Variants in RPTOR observed in about 807,000 individuals in gnomAD.
The protein encoded by RPTOR is regulatory associated protein of MTOR complex 1.
Under a neutral mutation model 169.9 loss-of-function variants are expected in RPTOR, and 21 were observed. That is an observed-to-expected ratio of 0.12 (90% CI 0.09 to 0.18). The LOEUF is 0.18. RPTOR is among the 10% of genes least tolerant of loss of function. RPTOR has a pLI of 1.00. For synonymous variants in RPTOR, 732 were observed against 753.2 expected, an observed-to-expected ratio of 0.97 and a Z score of 0.46; for missense variants, 1,133 against 1,855.9, an observed-to-expected ratio of 0.61 and a Z score of 7.16.
chr17:80,958,956 GCA>G (rs1197559245), intron 29 of RPTOR, among the ~76,000 whole-genome samples: 1 of 152,224 alleles, frequency 6.6e-6, no homozygotes, highest in African/African-American at 2.4e-5. Flanking sequence ...GAGAGGTGTG[GCA>G]CAGAGGCCAT....
chr17:80,811,254 T>C (rs2067269298), intron 7 of RPTOR, among the ~76,000 whole-genome samples: 1 of 152,208 alleles, frequency 6.6e-6, no homozygotes, highest in Non-Finnish European at 1.5e-5. Flanking sequence ...GTTGAGGAAG[T>C]GCGCTTCTAG....
Position 80,743,809 on chromosome 17 carries a change from C to CTACTAGCACTCTCCTGGT in RPTOR, c.655-10193_655-10192insCTCTCCTGGTTACTAGCA, listed in dbSNP as rs1567887370. Among the ~76,000 whole-genome samples, 108 of 89,822 alleles carry CTACTAGCACTCTCCTGGT rather than the reference C, an allele frequency of 1.2e-3. 7 individuals are homozygous for CTACTAGCACTCTCCTGGT. The highest frequency in any genetic ancestry group is 6.8e-3 in the Middle Eastern group (1 of 148). The allele number at this position is 89,822 out of a possible 152,430, so 58.9% of individuals were successfully genotyped here. ...GCCCTGGCTACTAGCACAGCCCTGGCTACTAGCAGAGCCCTGGCTACTAGC... is the reference window on the plus strand; with the variant it reads ...GCCCTGGCTACTAGCACAGCCCTGGCTACTAGCACTCTCCTGGTTACTAGCAGAGCCCTGGCTACTAGC... On this transcript the variant is annotated intron_variant, in intron 5 of 33. Coordinates refer to ENST00000306801, the MANE Select transcript of RPTOR (RefSeq NM_020761.3).
intron 10 of RPTOR, among the ~76,000 whole-genome samples, chr17:80,841,845 CACTCACCGCACGGCAGCTG>C (rs1407141103): frequency 7.3e-6 from 1 of 137,470 alleles, no homozygotes; most frequent in African/African-American, 2.9e-5. Context: ...CGGCAGCTCA[CACTCACCGCACGGCAGCTG>C]ACTCACCGCA....
chr17:80,879,592 C>T (rs2068162467), intron 13 of RPTOR, among the ~76,000 whole-genome samples: 1 of 152,178 alleles, frequency 6.6e-6, no homozygotes, highest in Non-Finnish European at 1.5e-5. Context: ...CCTCCCTCTC[C>T]CCGCTTTCCA....
At chr17:80,669,790 T>C (rs2065808292) in intron 3 of RPTOR, among the ~76,000 whole-genome samples, 1 of 152,272 alleles carries the variant, frequency 6.6e-6, no homozygotes, top group African/African-American at 2.4e-5. Context: ...TCTTCCCCTC[T>C]GTGGATCATC....
intron 17 of RPTOR, among the ~76,000 whole-genome samples, chr17:80,890,307 G>A (rs1038091800): frequency 6.6e-6 from 1 of 152,358 alleles, no homozygotes; most frequent in Non-Finnish European, 1.5e-5. Flanking sequence ...CTGAAGACAG[G>A]TGCAGCCTTG....
At chr17:80,742,279 C>T (rs1287011398) in intron 5 of RPTOR, among the ~76,000 whole-genome samples, 1 of 152,026 alleles carries the variant, frequency 6.6e-6, no homozygotes, top group African/African-American at 2.4e-5. Flanking sequence ...GAGGGCGGCC[C>T]TTAAGTAGGT....
intron 3 of RPTOR, among the ~76,000 whole-genome samples, chr17:80,679,478 C>T (rs936103165): frequency 6.6e-6 from 1 of 152,190 alleles, no homozygotes; most frequent in Admixed American, 6.5e-5. Context: ...TTCCTTTTTA[C>T]TCGGCTCAGG....
At chr17:80,783,902 A>G (rs1164101248) in intron 6 of RPTOR, among the ~76,000 whole-genome samples, 1 of 152,220 alleles carries the variant, frequency 6.6e-6, no homozygotes. Context: ...TTTTCTGTAC[A>G]TTACAAAGTG....
In RPTOR at chr17:80,574,507, T is replaced by C. The variant is rs147938370; in HGVS notation, c.162+28716T>C. 1.4e-4 allele frequency among the ~76,000 whole-genome samples: 22 copies of C among 152,172 alleles called. No individual in the cohort carries two copies. The East Asian group carries it at 3.9e-3, about 27-fold the overall frequency. On this transcript the variant is annotated intron_variant, in intron 1 of 33. Transcript: ENST00000306801. ...TTGAGTCAGTTTTGGCAAGTTACAT[T>C]TTAAGAAGACTTTGTCTATTTCATC...
chr17:80,667,106 G>A lies in RPTOR; in HGVS notation c.348+23296G>A, dbSNP rs77817031. Among the ~76,000 whole-genome samples the A allele has an allele frequency of 9.2e-3, 1,406 of 152,244 alleles. 17 individuals carry two copies. Among genetic ancestry groups the A allele is most frequent in the African/African-American group, 0.032 (1,345 of 41,508 alleles). ...CCCGTCTCCACGTCCCTTTCCCAGC[G>A]TGCCAGTGCTGATGGTAGGTTCTGC... is the stretch of plus-strand genomic sequence containing the variant. On this transcript the variant is annotated intron_variant, in intron 3 of 33. Transcript: ENST00000306801.
chr17:80,569,435 G>T (rs2064879479), intron 1 of RPTOR, among the ~76,000 whole-genome samples: 1 of 152,182 alleles, frequency 6.6e-6, no homozygotes, highest in South Asian at 2.1e-4. Flanking sequence ...TGAGGCAGGA[G>T]AATCGCTTGA....
chr17:80,945,558 C>G, intron 25 of RPTOR, 109 bp from the exon 26 acceptor site: 1 of 628,682 alleles, frequency 1.6e-6, no homozygotes, highest in Non-Finnish European at 2.7e-6. Flanking sequence ...CACCACTGCA[C>G]TCCAGCCTGG....
intron 1 of RPTOR, among the ~76,000 whole-genome samples, chr17:80,579,909 T>C (rs1019662039): frequency 2.6e-5 from 4 of 152,186 alleles, no homozygotes; most frequent in African/African-American, 4.8e-5. Flanking sequence ...TTATTCCTGA[T>C]GCAGTGCTGC....
At position 80,940,599 on chromosome 17, in the gene RPTOR, A is replaced by C; in HGVS notation, c.3023A>C (p.Lys1008Thr). The stretch of plus-strand genomic sequence containing the variant: ...AGGCAGGCCCAGCAAGTCATTCAGA[A>C]GGGTAAGGGCACCCGCACAGCCAGC... ...VRRQAQQVIQ[K>T]GITRLDDQIF... Residue 1008 changes from lysine to threonine, a missense_variant and splice_region_variant, in exon 25 of 34, where the codon AAG becomes ACG. This residue lies in a region of RPTOR where 410 missense variants were observed against 623.7 expected (regional missense o/e 0.66). Coordinates refer to ENST00000306801, the MANE Select transcript of RPTOR (RefSeq NM_020761.3). The C allele has an allele frequency of 6.2e-7, 1 of 1,608,226 alleles. No individual in the cohort carries two copies. Among genetic ancestry groups the C allele is most frequent in the Non-Finnish European group, 8.5e-7 (1 of 1,177,408 alleles).
In RPTOR at chr17:80,625,776, G is replaced by T; in HGVS notation, c.248G>T (p.Arg83Leu). The T allele has an allele frequency of 6.2e-7, 1 of 1,611,218 alleles. No homozygotes were observed. The highest frequency in any genetic ancestry group is 8.5e-7 in the Non-Finnish European group (1 of 1,178,210). The change falls in exon 2 of 34, where the codon CGC becomes CTC. Residue 83 changes from arginine to leucine, a missense_variant. Arg to Leu is a moderately radical substitution (Grantham distance 102, BLOSUM62 -2). Coordinates refer to ENST00000306801, the MANE Select transcript of RPTOR (RefSeq NM_020761.3). ...PDVVKTTPCARLECWIDPLSM... is the reference protein window; with the variant it reads ...PDVVKTTPCALLECWIDPLSM... ...GTGGTGAAGACCACGCCCTGTGCAC[G>T]CTTGGAATGCTGGATCGGTGAGTAT...
chr17:80,951,484 G>A (rs1053912550), intron 28 of RPTOR, among the ~76,000 whole-genome samples: 8 of 152,212 alleles, frequency 5.3e-5, no homozygotes, highest in Non-Finnish European at 1.0e-4. Flanking sequence ...GAGGCGTCTC[G>A]CCAGACGTAA....
chr17:80,755,738 C>CAAAAAAAAAAAA (rs77078803), intron 6 of RPTOR, among the ~76,000 whole-genome samples: 1 of 80,230 alleles, frequency 1.2e-5, no homozygotes. Context: ...GACCCTGTCT[C>CAAAAAAAAAAAA]AAAAAAAAAA....
At chr17:80,940,187 CAA>C (rs67669029) in intron 24 of RPTOR, among the ~76,000 whole-genome samples, 75,987 of 151,940 alleles carry the variant, frequency 0.5, 19,281 homozygotes, top group Admixed American at 0.54. Flanking sequence ...GATAAAAAAA[CAA>C]ATGTAAATAA....
Sources: allele counts gnomAD v4.1 joint callset (sites outside exome capture counted in the v4.1 genomes callset), GRCh38; gene constraint gnomAD v4.1.1; regional missense constraint gnomAD v4.1.1; transcripts MANE v1.5; gene names NCBI Gene and HGNC (gene_info 2026-07-23, HGNC 2026-07-21).